ASAP2: variants seen among roughly 807,000 people sequenced by gnomAD.
ASAP2 encodes arf-GAP with SH3 domain, ANK repeat and PH domain-containing protein 2.
Under a neutral mutation model 131.4 loss-of-function variants are expected in ASAP2, and 45 were observed. The ratio of observed to expected loss-of-function variants is 0.34; its 90% CI spans 0.27 to 0.44. The LOEUF is 0.44. Among genes scored for constraint, ASAP2 ranks in the 20% least tolerant of loss-of-function variants. The probability of loss-of-function intolerance (pLI) is 1.00; values close to 1 mark genes in which losing one functional copy is unlikely to be tolerated. For missense variants in ASAP2, 1,011 were observed against 1,297.0 expected (o/e 0.78, Z 3.39); for synonymous variants, 510 against 503.0 (o/e 1.01, Z -0.19).
chr2:9,366,314 C>A (rs1673470075), intron 15 of ASAP2, among the ~76,000 whole-genome samples: 1 of 152,064 alleles, frequency 6.6e-6, no homozygotes, highest in South Asian at 2.1e-4. Flanking sequence ...GAATTCTCCT[C>A]CTCCCATCTC....
chr2:9,298,304 G>A (rs62121306), intron 3 of ASAP2, among the ~76,000 whole-genome samples: 13,186 of 152,248 alleles, frequency 0.087, 579 homozygotes, highest in African/African-American at 0.11. Flanking sequence ...CTGAGATGGT[G>A]ATGACAGTGG....
intron 1 of ASAP2, among the ~76,000 whole-genome samples, chr2:9,213,828 C>A (rs138320476): frequency 1.1e-4 from 17 of 152,320 alleles, no homozygotes; most frequent in African/African-American, 3.8e-4. Context: ...CTGTCTAGAG[C>A]TACTTAGTGT....
At chr2:9,229,581 T>C (rs1035004471) in intron 1 of ASAP2, among the ~76,000 whole-genome samples, 1 of 152,206 alleles carries the variant, frequency 6.6e-6, no homozygotes, top group Middle Eastern at 3.2e-3. Flanking sequence ...TTGAGCTGGC[T>C]GCTTTTCTGT....
At chr2:9,378,643 C>T (rs893488300) in intron 18 of ASAP2, among the ~76,000 whole-genome samples, 30 of 152,336 alleles carry the variant, frequency 2.0e-4, no homozygotes, top group East Asian at 1.5e-3. Flanking sequence ...AGGTTCACCC[C>T]GGTAGTGCAC....
intron 12 of ASAP2, among the ~76,000 whole-genome samples, chr2:9,351,101 C>T (rs1348525665): frequency 2.0e-5 from 3 of 152,232 alleles, no homozygotes; most frequent in African/African-American, 7.2e-5. Flanking sequence ...TGAGGGCTGG[C>T]CCTGCTCCTT....
intron 1 of ASAP2, among the ~76,000 whole-genome samples, chr2:9,266,901 C>T (rs1665982409): frequency 1.3e-5 from 2 of 152,174 alleles, no homozygotes; most frequent in African/African-American, 4.8e-5. Flanking sequence ...TAGCTTCTCT[C>T]TGATGGTTTA....
At chr2:9,265,867 G>A (rs1483241387) in intron 1 of ASAP2, among the ~76,000 whole-genome samples, 6 of 152,156 alleles carry the variant, frequency 3.9e-5, no homozygotes, top group African/African-American at 1.2e-4. Flanking sequence ...CCACCTCCCC[G>A]GTTCAAGTGA....
intron 3 of ASAP2, among the ~76,000 whole-genome samples, chr2:9,316,596 C>T (rs1410634862): frequency 2.0e-5 from 3 of 152,066 alleles, no homozygotes; most frequent in Admixed American, 6.5e-5. Context: ...CTGGGAAGTG[C>T]GAAAGTGGGT....
intron 1 of ASAP2, among the ~76,000 whole-genome samples, chr2:9,208,664 T>C (rs1661320910): frequency 6.6e-6 from 1 of 152,180 alleles, no homozygotes; most frequent in South Asian, 2.1e-4. Context: ...ATTCCCCAGA[T>C]CACTTAATTC....
At chr2:9,388,087 GT>G (rs1418698199) in intron 21 of ASAP2, among the ~76,000 whole-genome samples, 1 of 152,172 alleles carries the variant, frequency 6.6e-6, no homozygotes, top group African/African-American at 2.4e-5. Context: ...ATCAGTGTGT[GT>G]TTCCTTCACG....
chr2:9,376,480 C>T (rs1213253512), intron 17 of ASAP2, among the ~76,000 whole-genome samples: 6 of 152,232 alleles, frequency 3.9e-5, no homozygotes, highest in African/African-American at 1.2e-4. Flanking sequence ...AAGTGTAGAA[C>T]GCAAAACTTT....
At chr2:9,274,690 A>T (rs959931769) in intron 1 of ASAP2, among the ~76,000 whole-genome samples, 1 of 152,170 alleles carries the variant, frequency 6.6e-6, no homozygotes, top group Non-Finnish European at 1.5e-5. Context: ...ATTGTCTATA[A>T]ATATGCACCA....
At chr2:9,348,516 A>G (rs557158376) in intron 11 of ASAP2, among the ~76,000 whole-genome samples, 1 of 152,344 alleles carries the variant, frequency 6.6e-6, no homozygotes, top group East Asian at 1.9e-4. Context: ...CTGTTTGCTA[A>G]TACTTAATCT....
chr2:9,348,715 C>T (rs978246443), intron 11 of ASAP2, among the ~76,000 whole-genome samples: 4 of 152,098 alleles, frequency 2.6e-5, no homozygotes, highest in Non-Finnish European at 5.9e-5. Flanking sequence ...ATATTTTTCT[C>T]TATTTTGTGG....
chr2:9,368,589 G>A (rs1673667843), intron 16 of ASAP2, 70 bp downstream of exon 16: 1 of 1,390,056 alleles, frequency 7.2e-7, no homozygotes, highest in Non-Finnish European at 1.0e-6. Context: ...CGGGAGGCAG[G>A]GGAATAAGAA....
chr2:9,318,652 C>T, intron 4 of ASAP2, 54 bp downstream of exon 4: 4 of 1,326,526 alleles, frequency 3.0e-6, no homozygotes, highest in Non-Finnish European at 3.2e-6. Context: ...TGTAGAGTCA[C>T]AGTAGCTTGG....
At chr2:9,252,859 T>C (rs1664816068) in intron 1 of ASAP2, among the ~76,000 whole-genome samples, 1 of 146,032 alleles carries the variant, frequency 6.8e-6, no homozygotes, top group African/African-American at 2.6e-5. Flanking sequence ...GAGCTTGCAG[T>C]GAGCCGAGAT....
rs564773847 is a variant in ASAP2, at chr2:9,338,941, G to A, written c.849+3762G>A. On this transcript the variant is annotated intron_variant, in intron 9 of 27. Transcript: ENST00000281419. ...AGCTATAGTCCCAGCACTTTGGGAG[G>A]CCAAGGCAGGTGGATTGCTTGAGTC... 5.3e-5 allele frequency among the ~76,000 whole-genome samples: 8 copies of A among 152,296 alleles called. No homozygotes were observed. The East Asian group carries it at 1.4e-3, about 26-fold the overall frequency.
At chr2:9,282,294 T>A (rs1234596729) in intron 2 of ASAP2, among the ~76,000 whole-genome samples, 1 of 152,166 alleles carries the variant, frequency 6.6e-6, no homozygotes, top group African/African-American at 2.4e-5. Context: ...AAGTCCTAAG[T>A]CCTAAAACCA....
Sources: allele counts gnomAD v4.1 joint callset (sites outside exome capture counted in the v4.1 genomes callset), GRCh38; gene constraint gnomAD v4.1.1; transcripts MANE v1.5; gene names NCBI Gene and HGNC (gene_info 2026-07-23, HGNC 2026-07-21).